The following CLUAP1 variants were observed in gnomAD, a reference collection of about 807,000 sequenced individuals.
The protein encoded by CLUAP1 is intraflagellar transport 38.
Under a neutral mutation model 55.0 loss-of-function variants are expected in CLUAP1, and 50 were observed. The observed-to-expected ratio is 0.91, with a 90% CI of 0.72 to 1.15. The LOEUF (loss-of-function observed/expected upper bound fraction) is 1.15, where lower values mean the gene tolerates loss of function less well. Ranked by LOEUF, CLUAP1 falls within the 50% of genes most tolerant of loss-of-function variation. The pLI is 0.00. For synonymous variants in CLUAP1, 195 were observed against 175.4 expected (o/e 1.11, Z -0.88); for missense variants, 530 against 507.6 (o/e 1.04, Z -0.42).
rs145003360 is a variant in CLUAP1, at chr16:3,536,154, A to T, written c.1125A>T (p.Glu375Asp). The change falls in exon 12 of 12, where the codon GAA becomes GAT. Residue 375 changes from glutamate (E) to aspartate (D), a missense_variant. Glu to Asp is a conservative substitution (Grantham distance 45). Transcript: ENST00000576634. ...EDSEESEIDM[E>D]DDDDEDDDLE... ...CGGAGGAGAGTGAAATTGACATGGAAGATGATGATGACGAGGATGACGATT... is the reference window on the plus strand; with the variant it reads ...CGGAGGAGAGTGAAATTGACATGGATGATGATGATGACGAGGATGACGATT... The T allele has an allele frequency of 6.2e-7, 1 of 1,614,088 alleles. No homozygotes were observed. The highest frequency in any genetic ancestry group is 1.3e-5 in the African/African-American group (1 of 74,920).
At chr16:3,518,465 A>G (rs1397695988) in intron 6 of CLUAP1, among the ~76,000 whole-genome samples, 1 of 152,180 alleles carries the variant, frequency 6.6e-6, no homozygotes, top group African/African-American at 2.4e-5. Flanking sequence ...CAGGCCATTT[A>G]TTTCAGAAAC....
the CLUAP1 span, chr16:3,495,629 G>T: frequency 1.1e-5 from 12 of 1,092,870 alleles, no homozygotes; most frequent in Non-Finnish European, 1.4e-5. Flanking sequence ...ATGGGAAGGG[G>T]CCAGAACCCT....
In CLUAP1 at chr16:3,508,296, A is replaced by G. The variant is rs1443221377; in HGVS notation, c.227A>G (p.Lys76Arg). 1.3e-6 allele frequency: 2 copies of G among 1,593,456 alleles called. No homozygotes were observed. The highest frequency in any genetic ancestry group is 1.7e-6 in the Non-Finnish European group (2 of 1,174,786). Residue 76 changes from lysine to arginine, a missense_variant, in exon 4 of 12, where the codon AAG (lysine) becomes AGG (arginine). By Grantham distance (26) the Lys-to-Arg change is conservative (BLOSUM62 2). Transcript: ENST00000576634. ...IKAIAQFMAT[K>R]AHIKLNTKKL... Reference sequence around the variant, plus strand: ...TTTTTGGTCTAAAAATAGGCCACCAAGGCACATATAAAACTCAACACTAAG... The same window carrying G: ...TTTTTGGTCTAAAAATAGGCCACCAGGGCACATATAAAACTCAACACTAAG...
Position 3,538,277 on chromosome 16 carries a change from TTC to T in CLUAP1, c.*2010_*2011del, listed in dbSNP as rs2038274547. On this transcript the variant is annotated 3_prime_UTR_variant, in exon 12 of 12. Transcript: ENST00000576634. ...AGTTATTTCTGTCATTTTTGCTTTT[TTC>T]TCTTTCTTTTCCTAAATTTTATGTA... is the stretch of plus-strand genomic sequence containing the variant. 1 of 151,990 alleles carries T rather than the reference TTC, an allele frequency of 6.6e-6. No individual in the cohort carries two copies. Among genetic ancestry groups the T allele is most frequent in the Admixed American group, 6.6e-5 (1 of 15,242 alleles). The allele number at this position is 151,990 out of a possible 1,614,324, so 9.4% of individuals were successfully genotyped here.
intron 5 of CLUAP1, among the ~76,000 whole-genome samples, chr16:3,514,062 A>T (rs938242756): frequency 1.3e-5 from 2 of 152,228 alleles, no homozygotes; most frequent in African/African-American, 4.8e-5. Context: ...CTGCTAGCTA[A>T]TTCAGATGAT....
intron 5 of CLUAP1, among the ~76,000 whole-genome samples, chr16:3,514,326 C>T (rs112652675): frequency 6.6e-6 from 1 of 152,182 alleles, no homozygotes. Flanking sequence ...TAGTACTTGT[C>T]AAATTCTGTG....
At chr16:3,531,649 G>A (rs1215249546) in intron 10 of CLUAP1, among the ~76,000 whole-genome samples, 1 of 152,216 alleles carries the variant, frequency 6.6e-6, no homozygotes, top group African/African-American at 2.4e-5. Context: ...CTAGTGGCCA[G>A]GGTGGGTGTG....
At position 3,512,969 on chromosome 16, in the gene CLUAP1, C is replaced by T. The variant is rs534085379; in HGVS notation, c.495+491C>T. On this transcript the variant is annotated intron_variant, in intron 5 of 11. Coordinates refer to ENST00000576634, the MANE Select transcript of CLUAP1 (RefSeq NM_015041.3). ...TGCTGGGATTACCGGTGTGAGCCAC[C>T]GCGCCCGGCACTGGTCTACCTTTAA... Among the ~76,000 whole-genome samples, 237 of 152,190 alleles carry T rather than the reference C, an allele frequency of 1.6e-3. 2 individuals carry two copies. Among genetic ancestry groups the T allele is most frequent in the Admixed American group, 0.014 (218 of 15,286 alleles).
upstream of CLUAP1, among the ~76,000 whole-genome samples, chr16:3,497,210 T>C (rs2037323965): frequency 1.3e-5 from 2 of 151,450 alleles, no homozygotes; most frequent in Non-Finnish European, 2.9e-5. Flanking sequence ...TAATTCATAC[T>C]TGAAAAAAAA....
chr16:3,533,272 A>G (rs1567443263), intron 11 of CLUAP1: 7 of 794,752 alleles, frequency 8.8e-6, no homozygotes, highest in Non-Finnish European at 1.4e-5. Context: ...AGGCCACTCA[A>G]AAGAGATCCT....
At chr16:3,532,893 C>G in intron 11 of CLUAP1, 52 bp downstream of exon 11, 1 of 1,594,150 alleles carries the variant, frequency 6.3e-7, no homozygotes, top group Non-Finnish European at 8.6e-7. Flanking sequence ...TTTGGCTGTC[C>G]CCATAGATGG....
intron 9 of CLUAP1, among the ~76,000 whole-genome samples, chr16:3,528,857 A>G (rs1028871290): frequency 3.3e-5 from 5 of 152,156 alleles, no homozygotes; most frequent in Non-Finnish European, 7.3e-5. Flanking sequence ...TTATTTCCCC[A>G]TTGAGTTATA....
intron 2 of CLUAP1, among the ~76,000 whole-genome samples, chr16:3,505,461 C>T (rs59476494): frequency 0.013 from 1,910 of 146,836 alleles, 47 homozygotes; most frequent in African/African-American, 0.046. Flanking sequence ...ACCCGGGAGG[C>T]GGAGCATGCA....
chr16:3,516,571 AAGAG>A (rs914976831), intron 6 of CLUAP1, among the ~76,000 whole-genome samples: 4 of 152,314 alleles, frequency 2.6e-5, no homozygotes, highest in Non-Finnish European at 4.4e-5. Flanking sequence ...CAAAAATGGA[AAGAG>A]AGAAAATTAG....
intron 8 of CLUAP1, among the ~76,000 whole-genome samples, chr16:3,524,449 T>G (rs748416972): frequency 3.3e-5 from 5 of 151,272 alleles, no homozygotes; most frequent in Non-Finnish European, 5.9e-5. Flanking sequence ...AATACAAAAT[T>G]TATCTGGTAT....
At position 3,529,672 on chromosome 16, in the gene CLUAP1, ATATATTATATAT is replaced by A. The variant is rs1465199383; in HGVS notation, c.929-892_929-881del. Among the ~76,000 whole-genome samples, 7 of 15,400 alleles carry A rather than the reference ATATATTATATAT, an allele frequency of 4.5e-4. 1 individual carries two copies. The highest frequency in any genetic ancestry group is 4.1e-3 in the African/African-American group (6 of 1,470). The allele number at this position is 15,400 out of a possible 152,430, so 10.1% of individuals were successfully genotyped here. A position where few individuals can be genotyped will look rare whatever the true frequency, so the allele number is the denominator to read the frequency against. On this transcript the variant is annotated intron_variant, in intron 9 of 11. Coordinates refer to ENST00000576634, the MANE Select transcript of CLUAP1 (RefSeq NM_015041.3). ...ATATTATTATATATTATATATTATT[ATATATTATATAT>A]TATTATATATTATATATTATATATT...
rs560429190 is a variant in CLUAP1 at position 3,501,482 on chromosome 16, C to G, written c.22+393C>G. Among the ~76,000 whole-genome samples the G allele has an allele frequency of 3.9e-5, 6 of 152,304 alleles. No individual in the cohort carries two copies. The South Asian group carries it at 1.2e-3, about 32-fold the overall frequency. ...TTTTTTGAGTTGGGTTAGCTTAGCG[C>G]TTAGAAAACCGAACAGCAGGCCGGG... On this transcript the variant is annotated intron_variant, in intron 1 of 11. Coordinates refer to ENST00000576634, the MANE Select transcript of CLUAP1 (RefSeq NM_015041.3).
chr16:3,504,633 A>T, intron 1 of CLUAP1, 87 bp from the exon 2 acceptor site: 2 of 804,584 alleles, frequency 2.5e-6, no homozygotes, highest in Non-Finnish European at 4.4e-6. Flanking sequence ...GGTTGGAAAT[A>T]AGAAGGAAAA....
upstream of CLUAP1, chr16:3,496,869 T>C (rs1012286916): frequency 2.8e-5 from 8 of 288,258 alleles, no homozygotes; most frequent in Admixed American, 8.6e-5. Context: ...TCTTTTTTTC[T>C]TTTCTTTTTT....
Sources: allele counts gnomAD v4.1 joint callset (sites outside exome capture counted in the v4.1 genomes callset), GRCh38; gene constraint gnomAD v4.1.1; transcripts MANE v1.5; gene names NCBI Gene and HGNC (gene_info 2026-07-23, HGNC 2026-07-21).